The following TRPC7 variants were observed in gnomAD, a reference collection of about 807,000 sequenced individuals.
TRPC7 encodes transient receptor potential cation channel subfamily C member 7, also known as short transient receptor potential channel 7.
In TRPC7, 42 loss-of-function variants were observed where a neutral mutation model predicts 90.1. That is an observed-to-expected ratio of 0.47 (90% confidence interval 0.36 to 0.60). The LOEUF (loss-of-function observed/expected upper bound fraction) is 0.60, where lower values mean the gene tolerates loss of function less well. Among genes scored for constraint, TRPC7 ranks in the 20% least tolerant of loss-of-function variants. The probability of loss-of-function intolerance (pLI) is 0.00; values close to 1 mark genes in which losing one functional copy is unlikely to be tolerated. For missense variants in TRPC7, 955 were observed against 1,112.3 expected, an observed-to-expected ratio of 0.86 and a Z score of 2.01; for synonymous variants, 451 against 436.3, an observed-to-expected ratio of 1.03 and a Z score of -0.42.
intron 3 of TRPC7, among the ~76,000 whole-genome samples, chr5:136,290,685 G>T (rs1368384564): frequency 6.6e-6 from 1 of 152,178 alleles, no homozygotes; most frequent in Non-Finnish European, 1.5e-5. Context: ...TGAAAGTGAC[G>T]GGGAGAATGG....
chr5:136,243,351 G>C (rs1236948260), intron 7 of TRPC7, among the ~76,000 whole-genome samples: 1 of 151,766 alleles, frequency 6.6e-6, no homozygotes, highest in Non-Finnish European at 1.5e-5. Flanking sequence ...CAAAAGTGGG[G>C]CTGGGGGGAT....
chr5:136,336,284 G>T (rs1759659378), intron 2 of TRPC7, among the ~76,000 whole-genome samples: 1 of 152,068 alleles, frequency 6.6e-6, no homozygotes, highest in African/African-American at 2.4e-5. Flanking sequence ...TTGCTTTGAG[G>T]ACAGGGTCTG....
At chr5:136,325,972 G>A (rs563221141) in intron 2 of TRPC7, among the ~76,000 whole-genome samples, 2 of 152,214 alleles carry the variant, frequency 1.3e-5, no homozygotes, top group Non-Finnish European at 2.9e-5. Flanking sequence ...GGGATTGGTT[G>A]CAGGCCAAGG....
At chr5:136,254,000 G>A (rs1377978097) in intron 5 of TRPC7, among the ~76,000 whole-genome samples, 8 of 152,196 alleles carry the variant, frequency 5.3e-5, no homozygotes, top group African/African-American at 1.9e-4. Flanking sequence ...ATTCCCTTAA[G>A]CCAGTGCCCA....
At chr5:136,225,233 A>C in intron 10 of TRPC7, 41 bp downstream of exon 10, 4 of 1,573,808 alleles carry the variant, frequency 2.5e-6, no homozygotes, top group Non-Finnish European at 3.5e-6. Flanking sequence ...AGTGGAGTCT[A>C]CTTCTGCCCA....
intron 3 of TRPC7, among the ~76,000 whole-genome samples, chr5:136,299,203 A>G (rs1758287069): frequency 6.6e-6 from 1 of 151,918 alleles, no homozygotes; most frequent in Non-Finnish European, 1.5e-5. Context: ...CGGGAGGCTG[A>G]GGCAGGAGAA....
intron 2 of TRPC7, among the ~76,000 whole-genome samples, chr5:136,347,714 G>A (rs534111010): frequency 1.3e-5 from 2 of 152,290 alleles, no homozygotes; most frequent in Admixed American, 6.5e-5. Context: ...AGATCAAGGT[G>A]AAAAATTGGA....
chr5:136,250,597 C>T (rs1364836036), intron 6 of TRPC7, among the ~76,000 whole-genome samples: 2 of 152,190 alleles, frequency 1.3e-5, no homozygotes, highest in African/African-American at 4.8e-5. Flanking sequence ...TAAGACATAA[C>T]TTATTTTAAA....
chr5:136,222,131 C>T (rs1444180704), intron 10 of TRPC7: 1 of 151,000 alleles, frequency 6.6e-6, no homozygotes, highest in Non-Finnish European at 1.5e-5. Context: ...TGAAAAATAA[C>T]AATTCAGACA....
At chr5:136,334,495 A>C (rs1176631205) in intron 2 of TRPC7, among the ~76,000 whole-genome samples, 2 of 152,206 alleles carry the variant, frequency 1.3e-5, no homozygotes, top group African/African-American at 4.8e-5. Context: ...TTATGTTCCC[A>C]AGTCTGGGCT....
At chr5:136,350,079 A>T in intron 2 of TRPC7, among the ~76,000 whole-genome samples, 1 of 152,310 alleles carries the variant, frequency 6.6e-6, no homozygotes, top group Middle Eastern at 3.4e-3. Flanking sequence ...GAGCTGTATC[A>T]TCTAGGTTTG....
chr5:136,337,589 C>G (rs1411823146), intron 2 of TRPC7, among the ~76,000 whole-genome samples: 2 of 151,448 alleles, frequency 1.3e-5, no homozygotes, highest in Non-Finnish European at 2.9e-5. Context: ...TCACTTGAAC[C>G]TGGGAGACAG....
At chr5:136,339,514 T>A (rs1561725231) in intron 2 of TRPC7, among the ~76,000 whole-genome samples, 2 of 152,218 alleles carry the variant, frequency 1.3e-5, no homozygotes, top group Non-Finnish European at 2.9e-5. Flanking sequence ...ACATCACTAT[T>A]GTCAAACCTA....
chr5:136,260,009 A>G (rs1756805082), intron 5 of TRPC7, among the ~76,000 whole-genome samples: 1 of 152,208 alleles, frequency 6.6e-6, no homozygotes, highest in Admixed American at 6.5e-5. Flanking sequence ...GAACTGGGCA[A>G]AGTATGTGGA....
intron 3 of TRPC7, among the ~76,000 whole-genome samples, chr5:136,302,520 A>C: frequency 6.6e-6 from 1 of 151,646 alleles, no homozygotes; most frequent in Non-Finnish European, 1.5e-5. Flanking sequence ...CCATGTCTCT[A>C]TGCTCTCTTT....
chr5:136,282,167 A>G (rs1052017581), intron 3 of TRPC7, among the ~76,000 whole-genome samples: 2 of 152,230 alleles, frequency 1.3e-5, no homozygotes, highest in Non-Finnish European at 2.9e-5. Flanking sequence ...TATAAACCAC[A>G]GTGTCTGACC....
In TRPC7 at chr5:136,274,776, C is replaced by T; in HGVS notation, c.1025G>A (p.Gly342Asp). ...CACAGCGATAGACTGTTGACGTAAG[C>T]CTGAGAGATTTTCATACCACATGGT... ...LLTMWYENLS[G>D]LRQQSIAVKF... Residue 342 changes from glycine (G) to aspartate (D), a missense_variant, in exon 4 of 12, where the codon GGC becomes GAC. Physicochemically the swap from Gly to Asp is moderately conservative, Grantham distance 94. Around this residue, in one of 4 missense-constraint regions of TRPC7, gnomAD observed 484 missense variants for 509.6 expected, o/e 0.95. Coordinates refer to ENST00000513104, the MANE Select transcript of TRPC7 (RefSeq NM_020389.3). 1.2e-6 allele frequency: 2 copies of T among 1,602,910 alleles called. No individual in the cohort carries two copies. Among genetic ancestry groups the T allele is most frequent in the Non-Finnish European group, 1.7e-6 (2 of 1,174,600 alleles).
intron 3 of TRPC7, among the ~76,000 whole-genome samples, chr5:136,293,007 T>C (rs976147775): frequency 6.6e-6 from 1 of 152,172 alleles, no homozygotes; most frequent in African/African-American, 2.4e-5. Flanking sequence ...AATCAATAAA[T>C]GTAATCCAGC....
intron 7 of TRPC7, among the ~76,000 whole-genome samples, chr5:136,246,402 G>A (rs974862406): frequency 7.2e-5 from 11 of 152,148 alleles, no homozygotes; most frequent in Admixed American, 4.6e-4. Context: ...GTGAGTTAAC[G>A]TCCTATGGAG....
Sources: allele counts gnomAD v4.1 joint callset (sites outside exome capture counted in the v4.1 genomes callset), GRCh38; gene constraint gnomAD v4.1.1; regional missense constraint gnomAD v4.1.1; transcripts MANE v1.5; gene names NCBI Gene and HGNC (gene_info 2026-07-23, HGNC 2026-07-21).